The following PLCB1 variants were observed in gnomAD, a reference collection of about 807,000 sequenced individuals.
PLCB1 encodes phospholipase C beta 1, also known as 1-phosphatidylinositol 4,5-bisphosphate phosphodiesterase beta-1.
A neutral mutation model predicts 161.8 loss-of-function variants in PLCB1; 46 were observed. The ratio of observed to expected loss-of-function variants is 0.28; its 90% CI spans 0.22 to 0.36. PLCB1 has a LOEUF of 0.36. Ranked by LOEUF, PLCB1 falls within the 10% of genes least tolerant of loss-of-function variation. The pLI is 1.00. For missense variants in PLCB1, 1,016 were observed against 1,472.5 expected, an observed-to-expected ratio of 0.69 and a Z score of 5.07; for synonymous variants, 517 against 503.7, an observed-to-expected ratio of 1.03 and a Z score of -0.35.
intron 26 of PLCB1, among the ~76,000 whole-genome samples, chr20:8,769,068 G>A (rs1982530217): frequency 6.6e-6 from 1 of 152,040 alleles, no homozygotes; most frequent in South Asian, 2.1e-4. Context: ...TGAATAATTA[G>A]GGAAATGGAA....
intron 2 of PLCB1, among the ~76,000 whole-genome samples, chr20:8,370,079 A>G (rs531161466): frequency 6.6e-6 from 1 of 152,290 alleles, no homozygotes; most frequent in African/African-American, 2.4e-5. Context: ...CTGAATTAGG[A>G]TGCAGTGCCT....
At chr20:8,812,116 G>A (rs992999085) in intron 31 of PLCB1, among the ~76,000 whole-genome samples, 1 of 152,032 alleles carries the variant, frequency 6.6e-6, no homozygotes, top group South Asian at 2.1e-4. Context: ...AGATCTGGGG[G>A]GCTAGAGCCT....
At chr20:8,501,840 A>T (rs1372525908) in intron 3 of PLCB1, among the ~76,000 whole-genome samples, 1 of 138,838 alleles carries the variant, frequency 7.2e-6, no homozygotes, top group East Asian at 2.1e-4. Context: ...GTATGCCACT[A>T]TTTTTTTTAA....
At chr20:8,157,096 T>G (rs1019449194) in intron 2 of PLCB1, among the ~76,000 whole-genome samples, 5 of 152,246 alleles carry the variant, frequency 3.3e-5, no homozygotes, top group African/African-American at 4.8e-5. Flanking sequence ...AGATGTTTAT[T>G]TATGTATTTC....
intron 9 of PLCB1, among the ~76,000 whole-genome samples, chr20:8,664,211 T>A (rs1989754413): frequency 6.6e-6 from 1 of 152,132 alleles, no homozygotes; most frequent in Admixed American, 6.6e-5. Flanking sequence ...CTCCTAAATT[T>A]TTATAAGGTA....
At chr20:8,540,376 C>G (rs2423370) in intron 3 of PLCB1, among the ~76,000 whole-genome samples, 93,272 of 151,974 alleles carry the variant, frequency 0.61, 28,827 homozygotes, top group Middle Eastern at 0.7. Flanking sequence ...GCTCACTACG[C>G]AGCTTGCAAA....
At chr20:8,853,263 G>T (rs1986951736) in intron 31 of PLCB1, among the ~76,000 whole-genome samples, 2 of 152,110 alleles carry the variant, frequency 1.3e-5, no homozygotes, top group Admixed American at 1.3e-4. Context: ...TAAATGCCCA[G>T]ATAAAAAGTA....
At chr20:8,533,395 G>T (rs992344567) in intron 3 of PLCB1, among the ~76,000 whole-genome samples, 2 of 151,182 alleles carry the variant, frequency 1.3e-5, no homozygotes, top group African/African-American at 4.9e-5. Context: ...GGGATGGCTG[G>T]GTCAAATGGT....
At chr20:8,309,403 C>T (rs1004236643) in intron 2 of PLCB1, among the ~76,000 whole-genome samples, 2 of 152,186 alleles carry the variant, frequency 1.3e-5, no homozygotes, top group African/African-American at 4.8e-5. Flanking sequence ...TAATGGCCTA[C>T]ATAGGAAAAG....
At chr20:8,623,943 C>T (rs1246984011) in intron 3 of PLCB1, 1 of 152,130 alleles carries the variant, frequency 6.6e-6, no homozygotes, top group Non-Finnish European at 1.5e-5. Context: ...AGCATTGATT[C>T]AAGGGGAATT....
At chr20:8,836,837 T>C (rs560876290) in intron 31 of PLCB1, among the ~76,000 whole-genome samples, 2 of 152,262 alleles carry the variant, frequency 1.3e-5, no homozygotes, top group African/African-American at 4.8e-5. Flanking sequence ...GCTGCATACA[T>C]GATCTCAAAG....
At chr20:8,602,676 G>T (rs953679818) in intron 3 of PLCB1, among the ~76,000 whole-genome samples, 30 of 152,308 alleles carry the variant, frequency 2.0e-4, no homozygotes, top group African/African-American at 7.0e-4. Context: ...TTGAGCTATT[G>T]TTCTTGATGA....
In PLCB1 at chr20:8,697,793, A is replaced by G. The variant is rs745755417; in HGVS notation, c.1167+10A>G. The G allele has an allele frequency of 3.2e-5, 51 of 1,613,490 alleles. No individual in the cohort carries two copies. The highest frequency in any genetic ancestry group is 1.6e-4 in the Middle Eastern group (1 of 6,078). The stretch of plus-strand genomic sequence containing the variant: ...TGAAATATCTTTCAAGGTAGAGTAT[A>G]TGAATGTTACTAAGAGAGGCAGCTG... On this transcript the variant is annotated intron_variant, in intron 11 of 31. Coordinates refer to ENST00000338037, the MANE Select transcript of PLCB1 (RefSeq NM_015192.4).
intron 2 of PLCB1, among the ~76,000 whole-genome samples, chr20:8,264,693 C>CCTATATG (rs1981867852): frequency 6.6e-6 from 1 of 151,840 alleles, no homozygotes; most frequent in African/African-American, 2.4e-5. Flanking sequence ...CTCTCATGGA[C>CCTATATG]TGAAATGTCA....
chr20:8,714,147 G>C (rs1979171771), intron 12 of PLCB1, among the ~76,000 whole-genome samples: 1 of 152,036 alleles, frequency 6.6e-6, no homozygotes, highest in African/African-American at 2.4e-5. Flanking sequence ...ACACACACCA[G>C]AATCAAGAGG....
rs1416107034 is a variant in PLCB1, at chr20:8,662,865, T to C, written c.862+4161T>C. On this transcript the variant is annotated intron_variant, in intron 9 of 31. Coordinates refer to ENST00000338037, the MANE Select transcript of PLCB1 (RefSeq NM_015192.4). ...TGGAAGAGATAACATTTGGGCTGAA[T>C]TGATTTTAACACAGATGAGCTACAG... 3.9e-5 allele frequency among the ~76,000 whole-genome samples: 6 copies of C among 151,916 alleles called. No homozygotes were observed. The East Asian group carries it at 7.7e-4, about 19-fold the overall frequency.
At chr20:8,645,127 G>C (rs574465105) in intron 4 of PLCB1, among the ~76,000 whole-genome samples, 11 of 150,520 alleles carry the variant, frequency 7.3e-5, no homozygotes, top group South Asian at 6.4e-4. Context: ...CAGCATGCTC[G>C]TTAAGAGTCA....
intron 3 of PLCB1, among the ~76,000 whole-genome samples, chr20:8,548,802 C>A (rs1985666202): frequency 6.6e-6 from 1 of 152,150 alleles, no homozygotes; most frequent in South Asian, 2.1e-4. Context: ...GTGTCTGACA[C>A]AGGTGAGCTT....
chr20:8,677,442 G>C (rs891999352), intron 9 of PLCB1, among the ~76,000 whole-genome samples: 1 of 151,988 alleles, frequency 6.6e-6, no homozygotes, highest in Non-Finnish European at 1.5e-5. Context: ...TAATATTCCA[G>C]AATGAAAAAA....
Sources: allele counts gnomAD v4.1 joint callset (sites outside exome capture counted in the v4.1 genomes callset), GRCh38; gene constraint gnomAD v4.1.1; transcripts MANE v1.5; gene names NCBI Gene and HGNC (gene_info 2026-07-23, HGNC 2026-07-21).